DPH6: variants seen among roughly 807,000 people sequenced by gnomAD.
DPH6 encodes diphthamine biosynthesis 6.
Under a neutral mutation model 38.2 loss-of-function variants are expected in DPH6, and 33 were observed. The ratio of observed to expected loss-of-function variants is 0.86; its 90% CI spans 0.65 to 1.15. DPH6 has a LOEUF of 1.15. DPH6 is among the 50% of genes most tolerant of loss of function. DPH6 has a pLI of 0.00. For synonymous variants in DPH6, 108 were observed against 103.0 expected (o/e 1.05, Z -0.30); for missense variants, 325 against 320.0 (o/e 1.02, Z -0.12).
intron 5 of DPH6, among the ~76,000 whole-genome samples, chr15:35,414,596 T>G (rs1391297577): frequency 6.6e-6 from 1 of 151,862 alleles, no homozygotes; most frequent in Non-Finnish European, 1.5e-5. Context: ...ATTTTTTCCT[T>G]GAAACACCTA....
intron 3 of DPH6, among the ~76,000 whole-genome samples, chr15:35,491,821 G>T (rs2054485212): frequency 6.7e-6 from 1 of 150,010 alleles, no homozygotes; most frequent in East Asian, 1.9e-4. Context: ...AAAGATATAT[G>T]TATCTATATA....
rs187352010 is a variant in DPH6, at chr15:35,404,805, C to T, written c.567+6030G>A. Among the ~76,000 whole-genome samples, 42 of 152,094 alleles carry T rather than the reference C, an allele frequency of 2.8e-4. No individual in the cohort carries two copies. The East Asian group carries it at 6.8e-3, about 25-fold the overall frequency. ...TACTCAAGAAGTCTTTGCCCAGACC[C>T]GTGTCCTGGAGAAGTTCCCCAATGT... On this transcript the variant is annotated intron_variant, in intron 6 of 8. Transcript: ENST00000256538.
chr15:35,417,308 T>C (rs1286227997), intron 5 of DPH6, among the ~76,000 whole-genome samples: 2 of 152,068 alleles, frequency 1.3e-5, no homozygotes, highest in East Asian at 3.8e-4. Context: ...TGTTAGCTTA[T>C]CTATAATTAT....
chr15:35,270,502 G>T (rs114521090), intron 3 of DPH6, among the ~76,000 whole-genome samples: 437 of 152,242 alleles, frequency 2.9e-3, no homozygotes, highest in African/African-American at 0.01. Flanking sequence ...CATGAATTGT[G>T]CCTCAAGTAG....
At chr15:35,396,511 A>G (rs183753860) in intron 6 of DPH6, 84 of 152,270 alleles carry the variant, frequency 5.5e-4, no homozygotes, top group African/African-American at 1.9e-3. Flanking sequence ...TCTCTTACCT[A>G]TAACAATCCA....
intron 1 of DPH6, among the ~76,000 whole-genome samples, chr15:35,543,948 T>C (rs904679960): frequency 7.9e-5 from 12 of 152,210 alleles, no homozygotes; most frequent in Non-Finnish European, 1.8e-4. Context: ...TATGCCAACA[T>C]TTCAAATATG....
At chr15:35,444,362 C>T (rs1369976133) in intron 5 of DPH6, among the ~76,000 whole-genome samples, 1 of 152,040 alleles carries the variant, frequency 6.6e-6, no homozygotes, top group Non-Finnish European at 1.5e-5. Flanking sequence ...AGACAAATTC[C>T]CTTTTTATCT....
the DPH6 span, among the ~76,000 whole-genome samples, chr15:35,185,406 T>C: frequency 6.6e-6 from 1 of 152,086 alleles, no homozygotes; most frequent in African/African-American, 2.4e-5. Flanking sequence ...CATTTCCAAA[T>C]AGGGAGGACA....
chr15:35,169,685 C>A, the DPH6 span: 1 of 152,106 alleles, frequency 6.6e-6, no homozygotes, highest in African/African-American at 2.4e-5. Context: ...AGCAACTGTG[C>A]CTTCCTCTCT....
At chr15:35,291,846 G>T (rs972128277) in intron 3 of DPH6, among the ~76,000 whole-genome samples, 1 of 151,988 alleles carries the variant, frequency 6.6e-6, no homozygotes, top group Non-Finnish European at 1.5e-5. Flanking sequence ...TTTTTTCTGG[G>T]TCTTATTTTT....
the DPH6 span, among the ~76,000 whole-genome samples, chr15:35,177,729 C>T: frequency 6.6e-6 from 1 of 151,852 alleles, no homozygotes; most frequent in Non-Finnish European, 1.5e-5. Flanking sequence ...CACCTGAGGT[C>T]AGGAGTTCGA....
At chr15:35,500,040 C>T (rs1219653829) in intron 3 of DPH6, among the ~76,000 whole-genome samples, 4 of 152,130 alleles carry the variant, frequency 2.6e-5, no homozygotes, top group Non-Finnish European at 5.9e-5. Context: ...AGCTTATGAT[C>T]TTAAAGGAGG....
rs138545541 is a variant in DPH6, at chr15:35,460,441, G to C, written c.313-5621C>G. Among the ~76,000 whole-genome samples the C allele has an allele frequency of 3.2e-3, 486 of 152,230 alleles. 5 individuals carry two copies. The East Asian group carries it at 0.035, about 11-fold the overall frequency. ...AGAGACAAAGACTGGACCCTAAATA[G>C]GCTGGCACATTGCTAAACCACAGGG... On this transcript the variant is annotated intron_variant, in intron 3 of 8. Coordinates refer to ENST00000256538, the MANE Select transcript of DPH6 (RefSeq NM_080650.4).
chr15:35,522,045 A>C (rs766213530), intron 3 of DPH6: 2 of 1,586,002 alleles, frequency 1.3e-6, no homozygotes, highest in Non-Finnish European at 8.6e-7. Flanking sequence ...AGTATGTCTA[A>C]GTTTTTAAAC....
chr15:35,469,596 T>C (rs563951065), intron 3 of DPH6, among the ~76,000 whole-genome samples: 8 of 152,160 alleles, frequency 5.3e-5, no homozygotes, highest in Admixed American at 3.3e-4. Flanking sequence ...GCTTGGTCAC[T>C]TGATAGAGAG....
chr15:35,171,113 G>A, the DPH6 span, among the ~76,000 whole-genome samples: 2 of 152,174 alleles, frequency 1.3e-5, no homozygotes, highest in African/African-American at 4.8e-5. Flanking sequence ...AAGAGATGAG[G>A]GTTGATGCAC....
At chr15:35,502,775 C>T (rs1389450576) in intron 3 of DPH6, among the ~76,000 whole-genome samples, 5 of 151,390 alleles carry the variant, frequency 3.3e-5, no homozygotes, top group Non-Finnish European at 5.9e-5. Context: ...TAAGATCTCA[C>T]TTTGTTTTCA....
At chr15:35,496,565 AAAATATATATATAT>A (rs1225471960) in intron 3 of DPH6, among the ~76,000 whole-genome samples, 1 of 20,150 alleles carries the variant, frequency 5.0e-5, no homozygotes, top group East Asian at 3.5e-3. Flanking sequence ...CAAAAAAAAA[AAAATATATATATAT>A]ATATATATAT....
chr15:35,174,749 G>A, the DPH6 span, among the ~76,000 whole-genome samples: 3 of 152,058 alleles, frequency 2.0e-5, no homozygotes, highest in Non-Finnish European at 4.4e-5. Flanking sequence ...TAATATTCTG[G>A]TATTCAAAAG....
Sources: allele counts gnomAD v4.1 joint callset (sites outside exome capture counted in the v4.1 genomes callset), GRCh38; gene constraint gnomAD v4.1.1; transcripts MANE v1.5; gene names NCBI Gene and HGNC (gene_info 2026-07-23, HGNC 2026-07-21).